The following PLD1 variants were observed in gnomAD, a reference collection of about 807,000 sequenced individuals.
PLD1 encodes phospholipase D1, also known as choline phosphatase 1.
In PLD1, 112 loss-of-function variants were observed where a neutral mutation model predicts 137.1. That is an observed-to-expected ratio of 0.82 (90% CI 0.70 to 0.96). The LOEUF (loss-of-function observed/expected upper bound fraction) is 0.96, where lower values mean the gene tolerates loss of function less well. PLD1 is among the 40% of genes least tolerant of loss of function. PLD1 has a pLI of 0.00. For synonymous variants in PLD1, 431 were observed against 454.7 expected (o/e 0.95, Z 0.66); for missense variants, 1,321 against 1,342.0 (o/e 0.98, Z 0.24).
intron 23 of PLD1, among the ~76,000 whole-genome samples, chr3:171,621,598 G>A (rs1733635389): frequency 6.6e-6 from 1 of 152,134 alleles, no homozygotes; most frequent in Non-Finnish European, 1.5e-5. Flanking sequence ...TATGTATAGA[G>A]ATGCCTCCAT....
intron 2 of PLD1, 81 bp from the exon 3 acceptor site, chr3:171,737,740 G>C (rs760977856): frequency 3.9e-6 from 5 of 1,268,384 alleles, no homozygotes; most frequent in Non-Finnish European, 5.5e-6. Context: ...TAAGAATCAC[G>C]TGTTAAAACA....
intron 3 of PLD1, among the ~76,000 whole-genome samples, chr3:171,736,351 T>C (rs1300361844): frequency 6.6e-6 from 1 of 152,200 alleles, no homozygotes; most frequent in Non-Finnish European, 1.5e-5. Context: ...AAGTCACTCA[T>C]TCAAGATCAC....
chr3:171,647,851 G>A (rs889678564), intron 21 of PLD1, among the ~76,000 whole-genome samples: 6 of 152,090 alleles, frequency 3.9e-5, no homozygotes, highest in South Asian at 2.1e-4. Flanking sequence ...ACAGAAACTC[G>A]GTGACTATCC....
At chr3:171,722,640 G>A (rs1718214911) in intron 8 of PLD1, among the ~76,000 whole-genome samples, 2 of 152,098 alleles carry the variant, frequency 1.3e-5, no homozygotes, top group South Asian at 4.2e-4. Context: ...ATTGTAGCAT[G>A]TATCAGAACT....
chr3:171,807,077 TAGG>T (rs1723877032), intron 1 of PLD1, among the ~76,000 whole-genome samples: 1 of 152,094 alleles, frequency 6.6e-6, no homozygotes, highest in Non-Finnish European at 1.5e-5. Context: ...GAAGCCGAAG[TAGG>T]AGGATTGCGG....
intron 1 of PLD1, among the ~76,000 whole-genome samples, chr3:171,750,613 T>C (rs1396285544): frequency 1.3e-5 from 2 of 152,132 alleles, no homozygotes; most frequent in Non-Finnish European, 2.9e-5. Context: ...GTCAAGCTGC[T>C]GTCATGTAAA....
chr3:171,680,380 G>A (rs562286892), intron 16 of PLD1, among the ~76,000 whole-genome samples: 342 of 150,802 alleles, frequency 2.3e-3, no homozygotes, highest in Middle Eastern at 6.9e-3. Flanking sequence ...GATTACAGGC[G>A]CACACCACCA....
At chr3:171,628,105 G>T (rs1021389306) in intron 23 of PLD1, among the ~76,000 whole-genome samples, 5 of 151,972 alleles carry the variant, frequency 3.3e-5, no homozygotes, top group Non-Finnish European at 7.4e-5. Context: ...AAAATTGATA[G>T]ACCGCTAGCA....
chr3:171,627,916 C>T lies in PLD1; in HGVS notation c.2594-7396G>A, dbSNP rs532519486. On this transcript the variant is annotated intron_variant, in intron 23 of 26. Coordinates refer to ENST00000351298, the MANE Select transcript of PLD1 (RefSeq NM_002662.5). ...GCCCACAAGAGAAAGCAGGAAAGAT[C>T]CAAAATTGATACCCTAACATCACAA... 3.4e-3 allele frequency among the ~76,000 whole-genome samples: 510 copies of T among 151,858 alleles called. 2 individuals carry two copies. Among genetic ancestry groups the T allele is most frequent in the Middle Eastern group, 0.01 (3 of 294 alleles).
Position 171,762,045 on chromosome 3 carries a change from T to C in PLD1, c.-31-23963A>G, listed in dbSNP as rs80126252. On this transcript the variant is annotated intron_variant, in intron 1 of 26. Coordinates refer to ENST00000351298, the MANE Select transcript of PLD1 (RefSeq NM_002662.5). ...ATTAAGTTTACTGTGAACTTTATCA[T>C]TCAACCATATGTAAAATGTTACAAT... 3.2e-3 allele frequency among the ~76,000 whole-genome samples: 486 copies of C among 152,370 alleles called. 24 individuals carry two copies. In the East Asian group the frequency reaches 0.086, roughly 27 times the overall value.
chr3:171,678,630 G>A (rs1713631364), intron 16 of PLD1, among the ~76,000 whole-genome samples: 1 of 152,216 alleles, frequency 6.6e-6, no homozygotes, highest in Non-Finnish European at 1.5e-5. Context: ...AGTAGCCAGT[G>A]AGAGGACTAC....
At chr3:171,645,906 A>G (rs1030745166) in intron 21 of PLD1, among the ~76,000 whole-genome samples, 10 of 146,794 alleles carry the variant, frequency 6.8e-5, no homozygotes, top group Middle Eastern at 7.1e-3. Flanking sequence ...AAAAAAAAAA[A>G]GAATTCTGAG....
intron 6 of PLD1, among the ~76,000 whole-genome samples, chr3:171,731,353 C>A (rs1718933820): frequency 6.6e-6 from 1 of 152,172 alleles, no homozygotes; most frequent in East Asian, 1.9e-4. Flanking sequence ...CAGAGGTCTA[C>A]AGATCTAGTC....
chr3:171,810,376 C>G (rs1041118201), intron 1 of PLD1, 23 bp downstream of exon 1: 1 of 152,264 alleles, frequency 6.6e-6, no homozygotes, highest in African/African-American at 2.4e-5. Flanking sequence ...GCCCGGTGAT[C>G]CGGGTCTCGG....
Position 171,623,943 on chromosome 3 carries a change from G to A in PLD1, c.2594-3423C>T, listed in dbSNP as rs553482760. On this transcript the variant is annotated intron_variant, in intron 23 of 26. Transcript: ENST00000351298. ...CCAGACAAGTGTTAGAAGAAAGCAA[G>A]GGTGAATTCCTCTATACTTCAAATG... Among the ~76,000 whole-genome samples, 12 of 151,044 alleles carry A rather than the reference G, an allele frequency of 7.9e-5. No homozygotes were observed. The South Asian group carries it at 2.5e-3, about 32-fold the overall frequency.
At chr3:171,666,094 G>A (rs558756616) in intron 19 of PLD1, among the ~76,000 whole-genome samples, 1 of 152,302 alleles carries the variant, frequency 6.6e-6, no homozygotes, top group African/African-American at 2.4e-5. Flanking sequence ...GAACCCTGAG[G>A]TTATATAAAA....
At chr3:171,699,153 G>C (rs948624509) in intron 12 of PLD1, among the ~76,000 whole-genome samples, 2 of 151,994 alleles carry the variant, frequency 1.3e-5, no homozygotes, top group Non-Finnish European at 2.9e-5. Flanking sequence ...TCATTAGTGA[G>C]CCTAGGCTGC....
intron 23 of PLD1, among the ~76,000 whole-genome samples, chr3:171,631,480 G>A (rs1010400131): frequency 6.6e-6 from 1 of 152,120 alleles, no homozygotes; most frequent in African/African-American, 2.4e-5. Flanking sequence ...AAGGCCCAAA[G>A]TAGTGATATT....
intron 11 of PLD1, among the ~76,000 whole-genome samples, chr3:171,703,179 T>C (rs1716387989): frequency 6.6e-6 from 1 of 152,014 alleles, no homozygotes; most frequent in African/African-American, 2.4e-5. Flanking sequence ...AAATTAGAAA[T>C]AGAAAAAAAC....
Sources: gnomAD v4.1 joint callset for allele counts (sites outside exome capture counted in the v4.1 genomes callset) on GRCh38, gnomAD v4.1.1 for gene constraint, MANE v1.5 for transcripts, NCBI Gene and HGNC (gene_info 2026-07-23, HGNC 2026-07-21) for gene names.